IL1RAPL2: variants seen among roughly 807,000 people sequenced by gnomAD.
IL1RAPL2 encodes X-linked interleukin-1 receptor accessory protein-like 2.
In IL1RAPL2, 3 loss-of-function variants were observed where a neutral mutation model predicts 44.1. That is an observed-to-expected ratio of 0.07 (90% CI 0.03 to 0.18). The LOEUF (loss-of-function observed/expected upper bound fraction) is 0.18. Ranked by LOEUF, IL1RAPL2 falls within the 10% of genes least tolerant of loss-of-function variation. IL1RAPL2 has a pLI of 1.00. For synonymous variants in IL1RAPL2, 181 were observed against 178.8 expected, an observed-to-expected ratio of 1.01 and a Z score of -0.10; for missense variants, 391 against 496.4, an observed-to-expected ratio of 0.79 and a Z score of 2.02.
intron 1 of IL1RAPL2, among the ~76,000 whole-genome samples, chrX:104,607,288 C>T (rs926794154): frequency 6.3e-4 from 70 of 111,864 alleles, no homozygotes; most frequent in African/African-American, 2.1e-3. Context: ...TAAAAATCCT[C>T]GAAGAAAACC....
chrX:104,675,357 C>G (rs977741543), intron 2 of IL1RAPL2, among the ~76,000 whole-genome samples: 21 of 111,754 alleles, frequency 1.9e-4, no homozygotes, highest in South Asian at 7.5e-4. Flanking sequence ...TCGTTATGTA[C>G]CCAGTGGTCA....
chrX:104,659,129 C>G, intron 2 of IL1RAPL2, 134 bp downstream of exon 2: 1 of 449,719 alleles, frequency 2.2e-6, no homozygotes, highest in South Asian at 3.9e-5. Flanking sequence ...GGAAAGTAGC[C>G]AAAATAAAAA....
intron 5 of IL1RAPL2, among the ~76,000 whole-genome samples, chrX:105,379,477 G>A (rs191295267): frequency 1.4e-4 from 16 of 111,359 alleles, no homozygotes; most frequent in Non-Finnish European, 7.6e-5. Context: ...CATAGGGAGG[G>A]GTCATAGAAA....
chrX:104,901,855 T>C (rs1311407541), intron 2 of IL1RAPL2, among the ~76,000 whole-genome samples: 1 of 111,718 alleles, frequency 9.0e-6, no homozygotes, highest in Non-Finnish European at 1.9e-5. Context: ...AATGAGACAA[T>C]GTGTGTATAG....
intron 6 of IL1RAPL2, among the ~76,000 whole-genome samples, chrX:105,508,713 C>T (rs2036448992): frequency 9.2e-6 from 1 of 108,138 alleles, no homozygotes; most frequent in African/African-American, 3.4e-5. Flanking sequence ...GAAATGTGAA[C>T]TTATCCATTC....
intron 2 of IL1RAPL2, among the ~76,000 whole-genome samples, chrX:104,677,130 T>C (rs1366915277): frequency 1.8e-5 from 2 of 112,267 alleles, no homozygotes; most frequent in Non-Finnish European, 3.8e-5. Flanking sequence ...CTTTGTTCCG[T>C]TGCTGGTGAG....
At chrX:105,583,489 C>T (rs1304670626) in intron 6 of IL1RAPL2, among the ~76,000 whole-genome samples, 4 of 111,810 alleles carry the variant, frequency 3.6e-5, no homozygotes, top group African/African-American at 1.3e-4. Flanking sequence ...GGTTTTTCTG[C>T]ATAAGCCTTG....
At chrX:105,042,899 TA>T (rs2031772090) in intron 2 of IL1RAPL2, among the ~76,000 whole-genome samples, 1 of 106,916 alleles carries the variant, frequency 9.4e-6, no homozygotes, top group African/African-American at 3.4e-5. Context: ...TATGCAGCCA[TA>T]AAAAAGGATG....
chrX:105,439,279 T>C (rs1212528044), intron 5 of IL1RAPL2, among the ~76,000 whole-genome samples: 1 of 111,690 alleles, frequency 9.0e-6, no homozygotes, highest in Non-Finnish European at 1.9e-5. Context: ...TTGGCTTGGC[T>C]GTTGGCTCAG....
At chrX:105,549,028 G>A (rs771122911) in intron 6 of IL1RAPL2, among the ~76,000 whole-genome samples, 6 of 111,644 alleles carry the variant, frequency 5.4e-5, no homozygotes, top group East Asian at 2.8e-4. Context: ...TTTTCATGCC[G>A]TTATGTAAAA....
chrX:104,608,455 T>C (rs958635069), intron 1 of IL1RAPL2, among the ~76,000 whole-genome samples: 1 of 110,768 alleles, frequency 9.0e-6, no homozygotes, highest in Non-Finnish European at 1.9e-5. Flanking sequence ...CCCATTATTA[T>C]TGTGTGGGAG....
intron 2 of IL1RAPL2, among the ~76,000 whole-genome samples, chrX:105,029,508 T>G (rs1205437805): frequency 1.9e-5 from 2 of 103,989 alleles, no homozygotes; most frequent in Non-Finnish European, 3.9e-5. Context: ...AGTGTTTGGT[T>G]TTTTGTCCTT....
chrX:105,576,577 T>C (rs749401808), intron 6 of IL1RAPL2, among the ~76,000 whole-genome samples: 9 of 111,244 alleles, frequency 8.1e-5, no homozygotes, highest in Non-Finnish European at 1.5e-4. Flanking sequence ...TTCAGAACGC[T>C]TTGCCCAGTC....
intron 1 of IL1RAPL2, among the ~76,000 whole-genome samples, chrX:104,585,348 T>TA (rs1928525863): frequency 5.2e-5 from 1 of 19,282 alleles, no homozygotes; most frequent in Non-Finnish European, 7.5e-5. Context: ...ATATATTATA[T>TA]ATATTATATA....
At chrX:104,917,272 T>C (rs767411671) in intron 2 of IL1RAPL2, among the ~76,000 whole-genome samples, 9 of 111,913 alleles carry the variant, frequency 8.0e-5, no homozygotes, top group Non-Finnish European at 1.3e-4. Context: ...TTTTCTAGTT[T>C]ATTGAAAGTG....
chrX:105,548,754 A>G (rs1040867235), intron 6 of IL1RAPL2, among the ~76,000 whole-genome samples: 3 of 111,670 alleles, frequency 2.7e-5, no homozygotes, highest in African/African-American at 9.8e-5. Context: ...AAGTGGGGAT[A>G]ATAATTGCTA....
chrX:105,038,124 A>G (rs1046261206), intron 2 of IL1RAPL2, among the ~76,000 whole-genome samples: 1 of 111,338 alleles, frequency 9.0e-6, no homozygotes, highest in African/African-American at 3.3e-5. Context: ...CCTCAGACCT[A>G]GATCCACCCA....
intron 5 of IL1RAPL2, among the ~76,000 whole-genome samples, chrX:105,386,630 A>T (rs758010043): frequency 2.7e-5 from 3 of 112,185 alleles, no homozygotes; most frequent in Non-Finnish European, 5.6e-5. Context: ...TTTTAATTCA[A>T]ACATAAAGTT....
intron 6 of IL1RAPL2, among the ~76,000 whole-genome samples, chrX:105,489,764 CTT>C (rs2036298530): frequency 2.3e-5 from 2 of 87,361 alleles, no homozygotes; most frequent in African/African-American, 8.8e-5. Flanking sequence ...CTTTCTCTTT[CTT>C]TCTTTCTTTT....
Sources: allele counts gnomAD v4.1 joint callset (sites outside exome capture counted in the v4.1 genomes callset), GRCh38; gene constraint gnomAD v4.1.1; transcripts MANE v1.5; gene names NCBI Gene and HGNC (gene_info 2026-07-23, HGNC 2026-07-21).